CDH20: variants seen among roughly 807,000 people sequenced by gnomAD.
The protein encoded by CDH20 is cadherin-20.
In CDH20, 29 loss-of-function variants were observed where a neutral mutation model predicts 74.2. The observed-to-expected ratio is 0.39, with a 90% CI of 0.29 to 0.53. The LOEUF (loss-of-function observed/expected upper bound fraction) is 0.53. Ranked by LOEUF, CDH20 falls within the 20% of genes least tolerant of loss-of-function variation. CDH20 has a pLI of 0.69. For synonymous variants in CDH20, 469 were observed against 405.4 expected (o/e 1.16, Z -1.88); for missense variants, 988 against 1,048.3 (o/e 0.94, Z 0.79).
chr18:61,511,483 T>C (rs1911782391), intron 6 of CDH20, among the ~76,000 whole-genome samples: 1 of 152,120 alleles, frequency 6.6e-6, no homozygotes, highest in African/African-American at 2.4e-5. Context: ...CGCAACCAGC[T>C]TTACTGTTTC....
At chr18:61,364,748 C>G (rs1348140434) in intron 1 of CDH20, among the ~76,000 whole-genome samples, 1 of 152,234 alleles carries the variant, frequency 6.6e-6, no homozygotes, top group African/African-American at 2.4e-5. Context: ...ATGGAAGCAG[C>G]CTGAGGCTTG....
chr18:61,540,060 G>A (rs1250293737), intron 9 of CDH20, among the ~76,000 whole-genome samples: 1 of 152,176 alleles, frequency 6.6e-6, no homozygotes. Flanking sequence ...AGCAATGCAT[G>A]TCAGGCTGTT....
intron 9 of CDH20, among the ~76,000 whole-genome samples, chr18:61,540,549 T>C (rs973157018): frequency 2.0e-5 from 3 of 152,114 alleles, no homozygotes; most frequent in African/African-American, 7.2e-5. Flanking sequence ...TATAAAACTA[T>C]CAGATCTTGT....
chr18:61,542,003 C>A (rs998789781), intron 9 of CDH20, among the ~76,000 whole-genome samples: 16 of 152,190 alleles, frequency 1.1e-4, no homozygotes, highest in African/African-American at 3.9e-4. Flanking sequence ...TGCTTTAAAG[C>A]CCTGTAAGCA....
intron 1 of CDH20, among the ~76,000 whole-genome samples, chr18:61,409,404 A>G (rs899357958): frequency 6.6e-6 from 1 of 152,156 alleles, no homozygotes; most frequent in Non-Finnish European, 1.5e-5. Context: ...GTCCTGTGGC[A>G]GTCCTGGGGA....
chr18:61,488,686 TA>T (rs2144292736), intron 1 of CDH20, among the ~76,000 whole-genome samples: 1 of 149,126 alleles, frequency 6.7e-6, no homozygotes, highest in East Asian at 2.0e-4. Context: ...TATGGTTTAC[TA>T]ATCACAGCAT....
intron 2 of CDH20, among the ~76,000 whole-genome samples, chr18:61,493,311 C>T (rs1911024212): frequency 1.3e-5 from 2 of 152,160 alleles, no homozygotes; most frequent in Non-Finnish European, 2.9e-5. Context: ...ATTAACTATG[C>T]CGGTGCTGCC....
chr18:61,511,090 A>G (rs1911765745), intron 6 of CDH20, among the ~76,000 whole-genome samples: 1 of 147,568 alleles, frequency 6.8e-6, no homozygotes, highest in South Asian at 2.2e-4. Flanking sequence ...GGGCTCAAGC[A>G]ATCCTTCCAC....
At chr18:61,528,481 A>ACACACACACACACACACC (rs755504850) in intron 7 of CDH20, among the ~76,000 whole-genome samples, 2,971 of 149,108 alleles carry the variant, frequency 0.02, 40 homozygotes, top group Non-Finnish European at 0.029. Flanking sequence ...ACACACACAC[A>ACACACACACACACACACC]CCCCTTAGTT....
chr18:61,336,837 AG>A (rs1158649591), intron 1 of CDH20, among the ~76,000 whole-genome samples: 1 of 150,936 alleles, frequency 6.6e-6, no homozygotes, highest in East Asian at 2.0e-4. Context: ...TGATGAGAAT[AG>A]GTCTTTTCAC....
At chr18:61,441,360 C>G (rs1030885798) in intron 1 of CDH20, among the ~76,000 whole-genome samples, 4 of 152,084 alleles carry the variant, frequency 2.6e-5, no homozygotes, top group African/African-American at 9.7e-5. Flanking sequence ...AATTCCCTCC[C>G]TATATTCATC....
chr18:61,448,926 T>C (rs1035120729), intron 1 of CDH20, among the ~76,000 whole-genome samples: 1 of 152,332 alleles, frequency 6.6e-6, no homozygotes, highest in East Asian at 1.9e-4. Flanking sequence ...TAGCAATCTC[T>C]TGACTGAGAA....
chr18:61,522,375 T>A (rs1331045401), intron 6 of CDH20, among the ~76,000 whole-genome samples: 2 of 152,168 alleles, frequency 1.3e-5, no homozygotes, highest in Non-Finnish European at 1.5e-5. Flanking sequence ...GAAGGACCTC[T>A]TCAAGGAGAA....
chr18:61,508,916 C>T (rs924262841), intron 6 of CDH20, among the ~76,000 whole-genome samples: 4 of 152,162 alleles, frequency 2.6e-5, no homozygotes, highest in African/African-American at 4.8e-5. Context: ...GGATTACAGG[C>T]GTGAGCCACT....
At chr18:61,453,824 G>T (rs562923447) in intron 1 of CDH20, among the ~76,000 whole-genome samples, 1 of 152,136 alleles carries the variant, frequency 6.6e-6, no homozygotes. Context: ...ATAAATGCCC[G>T]AGTGCAACTG....
intron 4 of CDH20, among the ~76,000 whole-genome samples, chr18:61,502,267 C>A (rs1308524258): frequency 6.6e-6 from 1 of 152,052 alleles, no homozygotes; most frequent in African/African-American, 2.4e-5. Context: ...TTAAATGAAA[C>A]CGTATCTGCT....
chr18:61,513,158 C>T (rs1187632740), intron 6 of CDH20, among the ~76,000 whole-genome samples: 54 of 144,044 alleles, frequency 3.7e-4, no homozygotes, highest in East Asian at 1.1e-3. Flanking sequence ...GTAGGTCACT[C>T]AGGACTTGCT....
chr18:61,368,761 G>A (rs1421523424), intron 1 of CDH20, among the ~76,000 whole-genome samples: 1 of 149,686 alleles, frequency 6.7e-6, no homozygotes, highest in Non-Finnish European at 1.5e-5. Context: ...GAAGAAGACA[G>A]ACATTTTCTC....
intron 6 of CDH20, among the ~76,000 whole-genome samples, chr18:61,520,207 T>A (rs1298515106): frequency 6.8e-6 from 1 of 147,136 alleles, no homozygotes; most frequent in Non-Finnish European, 1.5e-5. Flanking sequence ...TCCCAGCTAC[T>A]CGGGAGGCTG....
Sources: gnomAD v4.1 joint callset for allele counts (sites outside exome capture counted in the v4.1 genomes callset) on GRCh38, gnomAD v4.1.1 for gene constraint, MANE v1.5 for transcripts, NCBI Gene and HGNC (gene_info 2026-07-23, HGNC 2026-07-21) for gene names.